LIPA: variants seen among roughly 807,000 people sequenced by gnomAD.
LIPA encodes the protein lysosomal acid lipase/cholesteryl ester hydrolase.
In LIPA, 26 loss-of-function variants were observed where a neutral mutation model predicts 40.6. That is an observed-to-expected ratio of 0.64 (90% CI 0.47 to 0.89). The LOEUF is 0.89. Among genes scored for constraint, LIPA ranks in the 40% least tolerant of loss-of-function variants. The pLI is 0.00. For missense variants in LIPA, 455 were observed against 479.6 expected (o/e 0.95, Z 0.48); for synonymous variants, 188 against 168.4 (o/e 1.12, Z -0.90).
chr10:89,410,654 G>A (rs549991438), intron 2 of LIPA, among the ~76,000 whole-genome samples: 5 of 152,364 alleles, frequency 3.3e-5, no homozygotes, highest in Admixed American at 6.5e-5. Context: ...TGTATACAGA[G>A]AGCAACCATG....
intron 3 of LIPA, among the ~76,000 whole-genome samples, chr10:89,237,474 A>G (rs1253906151): frequency 1.3e-5 from 2 of 152,128 alleles, no homozygotes; most frequent in Admixed American, 1.3e-4. Flanking sequence ...ATATATATAT[A>G]TCCCACAAAG....
intron 1 of LIPA, among the ~76,000 whole-genome samples, chr10:89,324,826 G>C (rs1843590562): frequency 6.6e-6 from 1 of 152,122 alleles, no homozygotes; most frequent in Middle Eastern, 3.2e-3. Flanking sequence ...ATGGTTTCCA[G>C]CTTCATCCAT....
chr10:89,410,805 C>T (rs1208633783), intron 2 of LIPA, among the ~76,000 whole-genome samples: 1 of 152,180 alleles, frequency 6.6e-6, no homozygotes, highest in Admixed American at 6.5e-5. Flanking sequence ...GGCAGTCTTA[C>T]ACTGCTGAAG....
intron 1 of LIPA, among the ~76,000 whole-genome samples, chr10:89,337,535 G>C (rs1379078065): frequency 6.6e-6 from 1 of 152,278 alleles, no homozygotes; most frequent in South Asian, 2.1e-4. Context: ...GAATGGCGAG[G>C]ACTACAGGCA....
chr10:89,349,974 C>T (rs1163825825), intron 2 of LIPA, among the ~76,000 whole-genome samples: 1 of 152,150 alleles, frequency 6.6e-6, no homozygotes, highest in African/African-American at 2.4e-5. Context: ...GGATAACAAC[C>T]TTATCACTGG....
intron 1 of LIPA, among the ~76,000 whole-genome samples, chr10:89,329,832 TC>T (rs903883209): frequency 2.0e-5 from 3 of 152,164 alleles, no homozygotes; most frequent in African/African-American, 7.2e-5. Flanking sequence ...GCTGTTTATT[TC>T]ACCTGGGTGC....
intron 2 of LIPA, among the ~76,000 whole-genome samples, chr10:89,382,721 C>T (rs1029275936): frequency 6.6e-6 from 1 of 152,182 alleles, no homozygotes; most frequent in Admixed American, 6.5e-5. Context: ...CACTTGGAAC[C>T]CCTCCATTTA....
At chr10:89,256,579 T>C (rs1272498429), upstream of LIPA, among the ~76,000 whole-genome samples, 1 of 152,242 alleles carries the variant, frequency 6.6e-6, no homozygotes, top group South Asian at 2.1e-4. Flanking sequence ...AGCAACAGAT[T>C]GAGCAGCATT....
intron 1 of LIPA, among the ~76,000 whole-genome samples, chr10:89,313,289 A>G (rs1186920120): frequency 2.0e-5 from 3 of 152,224 alleles, no homozygotes; most frequent in Admixed American, 6.5e-5. Context: ...ACTGCAACCA[A>G]TTCAATCTGG....
chr10:89,224,955 G>C, intron 6 of LIPA, 137 bp downstream of exon 6: 1 of 1,178,256 alleles, frequency 8.5e-7, no homozygotes, highest in Non-Finnish European at 1.3e-6. Context: ...GGGGTAAACG[G>C]AAAAAGAAAA....
At chr10:89,321,662 G>A (rs1168099269) in intron 1 of LIPA, among the ~76,000 whole-genome samples, 2 of 152,306 alleles carry the variant, frequency 1.3e-5, no homozygotes, top group East Asian at 1.9e-4. Context: ...ACAGTGTGGC[G>A]ATTCCTCAAG....
At chr10:89,241,635 T>C (rs182337775) in intron 3 of LIPA, among the ~76,000 whole-genome samples, 7 of 152,288 alleles carry the variant, frequency 4.6e-5, no homozygotes, top group Admixed American at 3.3e-4. Flanking sequence ...ATGACTCTAA[T>C]AGCTCAATGG....
chr10:89,243,028 C>A (rs1291289540), intron 3 of LIPA, among the ~76,000 whole-genome samples: 2 of 152,082 alleles, frequency 1.3e-5, no homozygotes, highest in Non-Finnish European at 1.5e-5. Flanking sequence ...AGATTCCAGG[C>A]TAGGTCATTA....
intron 2 of LIPA, among the ~76,000 whole-genome samples, chr10:89,350,315 C>CTTTTTTTTTTTTTT (rs71471123): frequency 6.7e-6 from 1 of 148,366 alleles, no homozygotes; most frequent in Non-Finnish European, 1.5e-5. Context: ...GTGAAGTTAC[C>CTTTTTTTTTTTTTT]TTTTTTTTTA....
At chr10:89,216,540 G>T (rs1186509288) in intron 8 of LIPA, among the ~76,000 whole-genome samples, 2 of 150,742 alleles carry the variant, frequency 1.3e-5, no homozygotes, top group African/African-American at 4.9e-5. Flanking sequence ...TTTTGCAGAT[G>T]GAAAATATTT....
chr10:89,413,782 ACC>A (rs797010381), intron 1 of LIPA, among the ~76,000 whole-genome samples: 6,890 of 142,646 alleles, frequency 0.048, 493 homozygotes, highest in East Asian at 0.22. Context: ...AAAAAAAAAA[ACC>A]AAAATCAATG....
At chr10:89,260,902 G>A (rs1843204304) in intron 1 of LIPA, among the ~76,000 whole-genome samples, 1 of 152,196 alleles carries the variant, frequency 6.6e-6, no homozygotes, top group African/African-American at 2.4e-5. Context: ...GACCCGCGAT[G>A]GTGAGCAAGG....
chr10:89,280,467 A>T (rs1843309345), intron 1 of LIPA, among the ~76,000 whole-genome samples: 1 of 152,112 alleles, frequency 6.6e-6, no homozygotes, highest in Non-Finnish European at 1.5e-5. Context: ...ACACAGCTGG[A>T]TTACATTTCT....
intron 1 of LIPA, among the ~76,000 whole-genome samples, chr10:89,249,504 A>C (rs1342212249): frequency 3.9e-5 from 6 of 152,246 alleles, no homozygotes; most frequent in African/African-American, 1.4e-4. Flanking sequence ...GGAAAAACCC[A>C]AATGCTTTAA....
Sources: allele counts gnomAD v4.1 joint callset (sites outside exome capture counted in the v4.1 genomes callset), GRCh38; gene constraint gnomAD v4.1.1; transcripts MANE v1.5; gene names NCBI Gene and HGNC (gene_info 2026-07-23, HGNC 2026-07-21).